NEK5: variants seen among roughly 807,000 people sequenced by gnomAD.
NEK5 encodes the protein serine/threonine-protein kinase Nek5.
In NEK5, 88 loss-of-function variants were observed where a neutral mutation model predicts 109.2. The observed-to-expected ratio is 0.81, with a 90% confidence interval of 0.68 to 0.96. The LOEUF is 0.96. NEK5 is among the 40% of genes least tolerant of loss of function. The probability of loss-of-function intolerance (pLI) is 0.00; values close to 1 mark genes in which losing one functional copy is unlikely to be tolerated. For synonymous variants in NEK5, 283 were observed against 299.9 expected (o/e 0.94, Z 0.58); for missense variants, 834 against 920.7 (o/e 0.91, Z 1.22).
intron 17 of NEK5, among the ~76,000 whole-genome samples, 175 bp from the exon 18 acceptor site, chr13:52,076,318 A>C (rs984482242): frequency 1.3e-5 from 2 of 152,218 alleles, no homozygotes; most frequent in African/African-American, 4.8e-5. Context: ...TAATACATTT[A>C]ACACTTGCAC....
chr13:52,121,320 G>A lies in NEK5; in HGVS notation c.118-1905C>T, dbSNP rs560571936. Among the ~76,000 whole-genome samples the A allele has an allele frequency of 6.0e-4, 91 of 152,010 alleles. 1 individual carries two copies. The highest frequency in any genetic ancestry group is 1.1e-3 in the Non-Finnish European group (76 of 67,958). On this transcript the variant is annotated intron_variant, in intron 3 of 23. Transcript: ENST00000684899. The stretch of plus-strand genomic sequence containing the variant: ...ACCACAGGCAAGCACCATCATACCC[G>A]GCTAATTTTTTGTATTTTTAGTAGA...
At chr13:52,089,914 A>ATAAGACTC (rs2137919437) in intron 13 of NEK5, among the ~76,000 whole-genome samples, 2 of 152,108 alleles carry the variant, frequency 1.3e-5, no homozygotes, top group East Asian at 3.9e-4. Context: ...GTAAGCCAAA[A>ATAAGACTC]TCGCACCACT....
chr13:52,076,484 T>C (rs538065072), intron 17 of NEK5, among the ~76,000 whole-genome samples: 2 of 152,292 alleles, frequency 1.3e-5, no homozygotes, highest in Admixed American at 6.5e-5. Flanking sequence ...GCGCAACTCA[T>C]GACGGTATAA....
chr13:52,050,703 A>G (rs1954496386), intron 22 of NEK5, among the ~76,000 whole-genome samples: 6 of 135,568 alleles, frequency 4.4e-5, no homozygotes, highest in Admixed American at 2.2e-4. Context: ...ATAGCACAAT[A>G]TTTCATTTGT....
At chr13:52,046,911 A>C (rs1161579665) in intron 23 of NEK5, among the ~76,000 whole-genome samples, 1 of 152,196 alleles carries the variant, frequency 6.6e-6, no homozygotes, top group Non-Finnish European at 1.5e-5. Flanking sequence ...TCCCAAATCA[A>C]TACAATGTTA....
intron 9 of NEK5, among the ~76,000 whole-genome samples, chr13:52,104,245 G>A (rs564851526): frequency 5.1e-4 from 78 of 152,274 alleles, no homozygotes; most frequent in Non-Finnish European, 9.7e-4. Context: ...TTACAGGCAT[G>A]AGCCACCACG....
At chr13:52,063,328 G>T (rs1954631515) in intron 21 of NEK5, among the ~76,000 whole-genome samples, 1 of 152,236 alleles carries the variant, frequency 6.6e-6, no homozygotes, top group Non-Finnish European at 1.5e-5. Flanking sequence ...GCCAGCCTCG[G>T]CCTCCCGAGG....
chr13:52,055,557 A>G (rs1954546858), intron 22 of NEK5, among the ~76,000 whole-genome samples: 1 of 152,204 alleles, frequency 6.6e-6, no homozygotes, highest in African/African-American at 2.4e-5. Context: ...GAGAAATGTC[A>G]GGTTATCCTC....
At chr13:52,044,430 T>C (rs1339961546) in intron 23 of NEK5, among the ~76,000 whole-genome samples, 2 of 152,124 alleles carry the variant, frequency 1.3e-5, no homozygotes, top group East Asian at 1.9e-4. Context: ...AATGAAAACT[T>C]AGGTTCACAT....
At chr13:52,088,581 A>C (rs531121134) in intron 14 of NEK5, among the ~76,000 whole-genome samples, 35 of 152,136 alleles carry the variant, frequency 2.3e-4, no homozygotes, top group African/African-American at 7.9e-4. Flanking sequence ...TGTGCAGCAG[A>C]ATCTTTAACA....
At chr13:52,123,189 T>C (rs531038445) in intron 3 of NEK5, among the ~76,000 whole-genome samples, 12 of 152,242 alleles carry the variant, frequency 7.9e-5, no homozygotes, top group South Asian at 2.1e-4. Flanking sequence ...TGAGAGTAGA[T>C]AGGAAGAAAG....
At chr13:52,050,284 T>C in intron 22 of NEK5, 63 bp from the exon 23 acceptor site, 1 of 454,684 alleles carries the variant, frequency 2.2e-6, no homozygotes, top group Non-Finnish European at 2.9e-6. Flanking sequence ...GAGGGGCATA[T>C]ACCAAAAACC....
At chr13:52,066,464 G>GT (rs1491128650) in intron 20 of NEK5, among the ~76,000 whole-genome samples, 89 of 151,096 alleles carry the variant, frequency 5.9e-4, no homozygotes, top group East Asian at 7.7e-4. Flanking sequence ...TTTATTCTGT[G>GT]GTTTTTTTTT....
chr13:52,099,653 A>G, intron 12 of NEK5, 90 bp downstream of exon 12: 2 of 1,395,800 alleles, frequency 1.4e-6, no homozygotes, highest in South Asian at 1.3e-5. Context: ...CTGGCGACAG[A>G]GCGAGACTCC....
chr13:52,074,556 A>G (rs1954834394), intron 19 of NEK5, among the ~76,000 whole-genome samples: 1 of 152,166 alleles, frequency 6.6e-6, no homozygotes, highest in Non-Finnish European at 1.5e-5. Flanking sequence ...AAACACCATT[A>G]TGAACATGGG....
chr13:52,084,762 A>AGAGAGAGTGTGTGTGT (rs1228944662), intron 16 of NEK5, among the ~76,000 whole-genome samples: 1 of 47,384 alleles, frequency 2.1e-5, no homozygotes, highest in African/African-American at 7.4e-5. Flanking sequence ...AGAGAGAGAG[A>AGAGAGAGTGTGTGTGT]GTGTGTGTGT....
intron 12 of NEK5, among the ~76,000 whole-genome samples, chr13:52,094,199 A>G (rs904486452): frequency 1.3e-5 from 2 of 152,224 alleles, no homozygotes; most frequent in African/African-American, 2.4e-5. Context: ...AAGACAAGAA[A>G]CAGATCAAAT....
Position 52,045,514 on chromosome 13 carries a change from C to T in NEK5, c.2228+4590G>A, listed in dbSNP as rs191647987. ...AGCACGGTGGCGCACGCCTGTAATCCCAGCACTTTGGGAGGCCGAGGCGAG... is the reference window on the plus strand; with the variant it reads ...AGCACGGTGGCGCACGCCTGTAATCTCAGCACTTTGGGAGGCCGAGGCGAG... On this transcript the variant is annotated intron_variant, in intron 23 of 23. Transcript: ENST00000684899. Among the ~76,000 whole-genome samples, 469 of 149,658 alleles carry T rather than the reference C, an allele frequency of 3.1e-3. 5 individuals carry two copies. The highest frequency in any genetic ancestry group is 3.3e-3 in the Non-Finnish European group (224 of 67,432).
intron 3 of NEK5, among the ~76,000 whole-genome samples, chr13:52,123,882 C>G (rs1956017038): frequency 6.7e-6 from 1 of 148,484 alleles, no homozygotes; most frequent in South Asian, 2.2e-4. Context: ...AGGCAACGAC[C>G]TTGGAAGAAG....
Sources: gnomAD v4.1 joint callset for allele counts (sites outside exome capture counted in the v4.1 genomes callset) on GRCh38, gnomAD v4.1.1 for gene constraint, MANE v1.5 for transcripts, NCBI Gene and HGNC (gene_info 2026-07-23, HGNC 2026-07-21) for gene names.